NBEA: variants seen among roughly 807,000 people sequenced by gnomAD.
NBEA encodes the protein lysosomal-trafficking regulator 2.
NBEA carries 44 observed loss-of-function variants against 343.4 expected under a neutral mutation model. The ratio of observed to expected loss-of-function variants is 0.13; its 90% CI spans 0.10 to 0.16. NBEA has a LOEUF of 0.16. NBEA is among the 10% of genes least tolerant of loss of function. The pLI is 1.00. For synonymous variants in NBEA, 1,175 were observed against 1,238.7 expected, an observed-to-expected ratio of 0.95 and a Z score of 1.08; for missense variants, 2,555 against 3,631.3, an observed-to-expected ratio of 0.70 and a Z score of 7.62.
intron 45 of NBEA, among the ~76,000 whole-genome samples, chr13:35,567,438 T>C (rs997609029): frequency 6.6e-6 from 1 of 152,130 alleles, no homozygotes; most frequent in Non-Finnish European, 1.5e-5. Flanking sequence ...TTTTACCAAG[T>C]GTCTGTCTAT....
In NBEA at chr13:35,654,878, C is replaced by T. The variant is rs371745545; in HGVS notation, c.8059C>T (p.Arg2687Trp). The change falls in exon 54 of 59, where the codon CGG becomes TGG. Residue 2687 changes from arginine to tryptophan, a missense_variant. By Grantham distance (101) the Arg-to-Trp change is moderately radical. Around this residue, in one of 21 missense-constraint regions of NBEA, gnomAD observed 39 missense variants for 37.9 expected, o/e 1.03. Transcript: ENST00000379939. ...LIANNSGVNK[R>W]QITDLVDQSI... ...AGCCAATAATTCAGGTGTAAACAAACGGCAGATCACAGACCTCGTTGACCA... is the reference window on the plus strand; with the variant it reads ...AGCCAATAATTCAGGTGTAAACAAATGGCAGATCACAGACCTCGTTGACCA... The T allele has an allele frequency of 4.4e-6, 7 of 1,573,326 alleles. No homozygotes were observed. The highest frequency in any genetic ancestry group is 2.0e-5 in the Admixed American group (1 of 50,568).
chr13:35,077,959 G>C (rs577912792), intron 10 of NBEA, among the ~76,000 whole-genome samples: 19 of 152,278 alleles, frequency 1.2e-4, no homozygotes, highest in African/African-American at 4.3e-4. Flanking sequence ...GTATAGTTGG[G>C]AACATGGTTT....
chr13:35,185,962 G>T (rs1373535725), intron 30 of NBEA: 2 of 151,946 alleles, frequency 1.3e-5, no homozygotes, highest in East Asian at 3.9e-4. Flanking sequence ...ACAAACAAAA[G>T]TTAAAATCTT....
At chr13:34,976,226 T>C (rs1051049510) in intron 1 of NBEA, among the ~76,000 whole-genome samples, 9 of 152,214 alleles carry the variant, frequency 5.9e-5, no homozygotes, top group Admixed American at 6.5e-5. Context: ...ATAAATACCA[T>C]GGTATACTAC....
At chr13:34,952,469 G>A (rs2059378741) in intron 1 of NBEA, among the ~76,000 whole-genome samples, 1 of 152,102 alleles carries the variant, frequency 6.6e-6, no homozygotes, top group African/African-American at 2.4e-5. Context: ...GTATAATGTG[G>A]ATACTTGAGG....
chr13:35,600,675 GT>G (rs1271448875), intron 47 of NBEA, among the ~76,000 whole-genome samples: 3 of 152,084 alleles, frequency 2.0e-5, no homozygotes, highest in African/African-American at 7.2e-5. Context: ...TCACCACCAT[GT>G]TACATATCAA....
intron 38 of NBEA, among the ~76,000 whole-genome samples, chr13:35,374,670 G>C (rs916388565): frequency 1.3e-5 from 2 of 151,908 alleles, no homozygotes; most frequent in Non-Finnish European, 2.9e-5. Context: ...AAATTTAAAA[G>C]GAAACCTAAA....
At chr13:35,094,322 CAG>C (rs2065227976) in intron 10 of NBEA, among the ~76,000 whole-genome samples, 1 of 152,026 alleles carries the variant, frequency 6.6e-6, no homozygotes, top group Non-Finnish European at 1.5e-5. Context: ...TGGCTCCGGG[CAG>C]ACTCAGTGAT....
At chr13:35,541,851 C>T (rs922655402) in intron 41 of NBEA, among the ~76,000 whole-genome samples, 2 of 151,900 alleles carry the variant, frequency 1.3e-5, no homozygotes, top group Admixed American at 6.6e-5. Context: ...GTGTGCCAGG[C>T]ACTGTGCTGA....
intron 13 of NBEA, among the ~76,000 whole-genome samples, chr13:35,111,563 T>G (rs2056407283): frequency 6.6e-6 from 1 of 152,072 alleles, no homozygotes; most frequent in Non-Finnish European, 1.5e-5. Context: ...TATAAAAATA[T>G]TTAAACTTTT....
chr13:35,126,931 A>G (rs2067166212), intron 17 of NBEA, among the ~76,000 whole-genome samples: 1 of 152,008 alleles, frequency 6.6e-6, no homozygotes, highest in South Asian at 2.1e-4. Flanking sequence ...AAAAAAAAAA[A>G]AAAAGCCAAA....
At chr13:35,277,609 G>T (rs913670982) in intron 34 of NBEA, among the ~76,000 whole-genome samples, 11 of 19,360 alleles carry the variant, frequency 5.7e-4, no homozygotes, top group African/African-American at 1.9e-3. Context: ...CAACAAGAAA[G>T]AAACTCCGTC....
chr13:35,167,060 G>C (rs574974142), intron 24 of NBEA, among the ~76,000 whole-genome samples: 2 of 152,064 alleles, frequency 1.3e-5, no homozygotes, highest in Non-Finnish European at 2.9e-5. Flanking sequence ...TAGTTTTTCA[G>C]AATATTCTTG....
chr13:34,957,779 A>C (rs779514579), intron 1 of NBEA, among the ~76,000 whole-genome samples: 5 of 152,104 alleles, frequency 3.3e-5, no homozygotes, highest in Admixed American at 6.6e-5. Context: ...AAACAACATA[A>C]ATTTATTACC....
intron 55 of NBEA, among the ~76,000 whole-genome samples, chr13:35,659,379 A>C (rs1377775438): frequency 2.6e-5 from 4 of 152,236 alleles, no homozygotes; most frequent in African/African-American, 9.6e-5. Flanking sequence ...TCTCAAGATA[A>C]AATTCAACTG....
intron 33 of NBEA, among the ~76,000 whole-genome samples, chr13:35,230,715 G>C (rs928146746): frequency 1.3e-5 from 2 of 151,748 alleles, no homozygotes; most frequent in Non-Finnish European, 1.5e-5. Flanking sequence ...ATGCTTATTC[G>C]GTGACTTCAG....
chr13:35,441,067 A>G (rs2045714226), intron 39 of NBEA, among the ~76,000 whole-genome samples: 2 of 152,154 alleles, frequency 1.3e-5, no homozygotes, highest in African/African-American at 4.8e-5. Context: ...TCACTTATGT[A>G]TTTCATTTTT....
chr13:35,008,179 A>G (rs1407318978), intron 1 of NBEA, among the ~76,000 whole-genome samples: 1 of 152,168 alleles, frequency 6.6e-6, no homozygotes, highest in East Asian at 1.9e-4. Context: ...TTTTGTTTTA[A>G]TTGAAATGAA....
At chr13:35,018,939 A>T (rs1438472544) in intron 1 of NBEA, among the ~76,000 whole-genome samples, 1 of 152,018 alleles carries the variant, frequency 6.6e-6, no homozygotes, top group Non-Finnish European at 1.5e-5. Context: ...GTTTGTTGAG[A>T]GCTTTTATAA....
Sources: allele counts gnomAD v4.1 joint callset (sites outside exome capture counted in the v4.1 genomes callset), GRCh38; gene constraint gnomAD v4.1.1; regional missense constraint gnomAD v4.1.1; transcripts MANE v1.5; gene names NCBI Gene and HGNC (gene_info 2026-07-23, HGNC 2026-07-21).